Variants in AUTS2 observed in about 807,000 individuals in gnomAD.
AUTS2 encodes activator of transcription and developmental regulator AUTS2, also known as autism susceptibility gene 2 protein.
Under a neutral mutation model 112.4 loss-of-function variants are expected in AUTS2, and 17 were observed. That is an observed-to-expected ratio of 0.15 (90% CI 0.10 to 0.23). The LOEUF (loss-of-function observed/expected upper bound fraction) is 0.23. AUTS2 is among the 10% of genes least tolerant of loss of function. AUTS2 has a pLI of 1.00. For synonymous variants in AUTS2, 751 were observed against 702.7 expected (o/e 1.07, Z -1.09); for missense variants, 1,510 against 1,701.6 (o/e 0.89, Z 1.98).
chr7:69,972,700 TGC>T (rs927459317), intron 2 of AUTS2, among the ~76,000 whole-genome samples: 13 of 151,558 alleles, frequency 8.6e-5, no homozygotes, highest in African/African-American at 2.9e-4. Context: ...TGTGTGTGTG[TGC>T]ACGTTCCTGT....
intron 1 of AUTS2, among the ~76,000 whole-genome samples, chr7:69,637,382 A>G (rs1441183878): frequency 1.3e-5 from 2 of 152,224 alleles, no homozygotes; most frequent in Non-Finnish European, 2.9e-5. Flanking sequence ...GGAGTACAGT[A>G]TAGAGAGTAT....
At position 69,744,867 on chromosome 7, in the gene AUTS2, T is replaced by G. The variant is rs534809726; in HGVS notation, c.309+144905T>G. On this transcript the variant is annotated intron_variant, in intron 1 of 18. Coordinates refer to ENST00000342771, the MANE Select transcript of AUTS2 (RefSeq NM_015570.4). ...GATAAAATATTGCTTAGAATTTCTA[T>G]AAACAAGCTACACAAAAGCACTGTA... Among the ~76,000 whole-genome samples, 138 of 152,230 alleles carry G rather than the reference T, an allele frequency of 9.1e-4. 1 individual carries two copies. Among genetic ancestry groups the G allele is most frequent in the African/African-American group, 2.8e-3 (118 of 41,562 alleles).
chr7:70,610,999 A>T (rs1426773138), intron 5 of AUTS2, among the ~76,000 whole-genome samples: 1 of 152,078 alleles, frequency 6.6e-6, no homozygotes, highest in African/African-American at 2.4e-5. Context: ...ATGCAATCCT[A>T]TTTGTCTATT....
intron 1 of AUTS2, among the ~76,000 whole-genome samples, chr7:69,743,476 T>C (rs1787354261): frequency 6.6e-6 from 1 of 152,232 alleles, no homozygotes; most frequent in African/African-American, 2.4e-5. Context: ...ATGGGTTAGA[T>C]GGGACATGTA....
chr7:70,126,880 G>A (rs1806000692), intron 3 of AUTS2, among the ~76,000 whole-genome samples: 1 of 152,146 alleles, frequency 6.6e-6, no homozygotes, highest in Non-Finnish European at 1.5e-5. Flanking sequence ...GGAGTGGAGT[G>A]CAATGGTGCG....
chr7:70,167,014 T>C (rs1187416425), intron 4 of AUTS2, among the ~76,000 whole-genome samples: 2 of 152,202 alleles, frequency 1.3e-5, no homozygotes, highest in Non-Finnish European at 2.9e-5. Context: ...TCACTTGAGT[T>C]CAGGTGTTTG....
intron 1 of AUTS2, among the ~76,000 whole-genome samples, chr7:69,888,540 G>GATAGATATAT (rs1468555842): frequency 1.0e-5 from 1 of 99,256 alleles, no homozygotes; most frequent in African/African-American, 4.3e-5. Flanking sequence ...CAACATTGGG[G>GATAGATATAT]ATATATATAT....
At chr7:70,567,083 A>G (rs1801739831) in intron 5 of AUTS2, among the ~76,000 whole-genome samples, 1 of 152,228 alleles carries the variant, frequency 6.6e-6, no homozygotes, top group Non-Finnish European at 1.5e-5. Flanking sequence ...CTGCACTCTC[A>G]AGGCCATTGC....
intron 4 of AUTS2, among the ~76,000 whole-genome samples, chr7:70,365,597 T>C (rs549853602): frequency 1.3e-5 from 2 of 152,380 alleles, no homozygotes; most frequent in Non-Finnish European, 1.5e-5. Context: ...TGTGTACTTA[T>C]CTATTGATCA....
intron 6 of AUTS2, among the ~76,000 whole-genome samples, chr7:70,747,651 TTTG>T (rs1468715023): frequency 6.6e-6 from 1 of 151,954 alleles, no homozygotes; most frequent in Non-Finnish European, 1.5e-5. Context: ...TGTTTTTGTT[TTTG>T]TTTTTGTTTT....
At chr7:70,130,191 C>A (rs1317766891) in intron 3 of AUTS2, among the ~76,000 whole-genome samples, 1 of 152,094 alleles carries the variant, frequency 6.6e-6, no homozygotes, top group Admixed American at 6.6e-5. Context: ...TTTAAATTAG[C>A]CCTAGGGTCA....
intron 1 of AUTS2, among the ~76,000 whole-genome samples, chr7:69,857,816 C>CAAA (rs891544529): frequency 1.8e-5 from 2 of 110,592 alleles, no homozygotes; most frequent in Admixed American, 9.5e-5. Flanking sequence ...GACTCCGTCT[C>CAAA]AAAAAAAAAA....
At chr7:69,769,997 T>C (rs955326840) in intron 1 of AUTS2, among the ~76,000 whole-genome samples, 2 of 152,162 alleles carry the variant, frequency 1.3e-5, no homozygotes, top group African/African-American at 4.8e-5. Flanking sequence ...ATGGTCAGGG[T>C]GGTGTGAATG....
chr7:70,330,649 G>A (rs1302664096), intron 4 of AUTS2, among the ~76,000 whole-genome samples: 2 of 152,102 alleles, frequency 1.3e-5, no homozygotes, highest in African/African-American at 4.8e-5. Flanking sequence ...ATCAGCTTTT[G>A]CATTTCTGCA....
intron 5 of AUTS2, among the ~76,000 whole-genome samples, chr7:70,650,486 A>G (rs1010879686): frequency 9.2e-5 from 14 of 152,200 alleles, no homozygotes; most frequent in Non-Finnish European, 1.6e-4. Flanking sequence ...ATGTGGTTTA[A>G]TCTCTCTGAA....
chr7:69,909,132 T>TG (rs947205565), intron 2 of AUTS2, among the ~76,000 whole-genome samples: 2 of 152,250 alleles, frequency 1.3e-5, no homozygotes, highest in Non-Finnish European at 2.9e-5. Flanking sequence ...CAACATATCT[T>TG]GCGGAAATTA....
intron 1 of AUTS2, among the ~76,000 whole-genome samples, chr7:69,896,278 T>C (rs1259114865): frequency 6.6e-6 from 1 of 152,220 alleles, no homozygotes; most frequent in Non-Finnish European, 1.5e-5. Context: ...TCAATGGCCA[T>C]GTGCGCTTGC....
intron 5 of AUTS2, among the ~76,000 whole-genome samples, chr7:70,612,986 C>T (rs994658498): frequency 4.6e-5 from 7 of 151,934 alleles, no homozygotes; most frequent in South Asian, 4.2e-4. Context: ...AGGGAGACAG[C>T]GCGGTGGTAC....
At chr7:70,156,532 AG>A (rs1807771355) in intron 4 of AUTS2, among the ~76,000 whole-genome samples, 2 of 152,128 alleles carry the variant, frequency 1.3e-5, no homozygotes, top group African/African-American at 4.8e-5. Context: ...GTGAACTCTC[AG>A]CTAGAACCAT....
Sources: gnomAD v4.1 joint callset for allele counts (sites outside exome capture counted in the v4.1 genomes callset) on GRCh38, gnomAD v4.1.1 for gene constraint, MANE v1.5 for transcripts, NCBI Gene and HGNC (gene_info 2026-07-23, HGNC 2026-07-21) for gene names.